The following SYCP1 variants were observed in gnomAD, a reference collection of about 807,000 sequenced individuals.
The protein encoded by SYCP1 is cancer/testis antigen 8.
A neutral mutation model predicts 153.1 loss-of-function variants in SYCP1; 64 were observed. The ratio of observed to expected loss-of-function variants is 0.42; its 90% confidence interval spans 0.34 to 0.51. The LOEUF (loss-of-function observed/expected upper bound fraction) is 0.51. SYCP1 is among the 20% of genes least tolerant of loss of function. The pLI, the probability that SYCP1 is intolerant of heterozygous loss-of-function variation, is 0.06. For synonymous variants in SYCP1, 384 were observed against 341.8 expected (o/e 1.12, Z -1.36); for missense variants, 997 against 1,049.0 (o/e 0.95, Z 0.68).
At chr1:114,928,771 A>C (rs1025680288) in intron 23 of SYCP1, among the ~76,000 whole-genome samples, 1 of 152,160 alleles carries the variant, frequency 6.6e-6, no homozygotes, top group South Asian at 2.1e-4. Context: ...TTAACACTTA[A>C]ATAGAGTTTG....
At position 114,917,914 on chromosome 1, in the gene SYCP1, AT is replaced by A. The variant is rs953809457; in HGVS notation, c.1718+3875del. Among the ~76,000 whole-genome samples the A allele has an allele frequency of 2.0e-5, 3 of 148,578 alleles. No homozygotes were observed. The East Asian group carries it at 5.9e-4, about 29-fold the overall frequency. ...CTTGTCAGATGGATAGTTTACAAAT[AT>A]TTTTTCCCATGCTGTGGGTTGTGTC... On this transcript the variant is annotated intron_variant, in intron 20 of 31. Transcript: ENST00000369522.
At chr1:114,868,044 G>A (rs1346913808) in intron 8 of SYCP1, among the ~76,000 whole-genome samples, 1 of 151,588 alleles carries the variant, frequency 6.6e-6, no homozygotes, top group Admixed American at 6.6e-5. Flanking sequence ...TTATGTGATG[G>A]ATTACAATAA....
intron 12 of SYCP1, among the ~76,000 whole-genome samples, chr1:114,878,865 A>G (rs947283720): frequency 3.3e-5 from 5 of 152,182 alleles, no homozygotes; most frequent in African/African-American, 1.2e-4. Context: ...TGAATGAACA[A>G]ATCATATGGG....
At chr1:114,964,391 G>A (rs1343942667) in intron 27 of SYCP1, among the ~76,000 whole-genome samples, 2 of 152,040 alleles carry the variant, frequency 1.3e-5, no homozygotes, top group African/African-American at 2.4e-5. Flanking sequence ...GATCCCATTT[G>A]TCTATTTTGG....
intron 20 of SYCP1, among the ~76,000 whole-genome samples, chr1:114,917,760 T>G (rs1366300631): frequency 6.6e-6 from 1 of 152,190 alleles, no homozygotes; most frequent in Non-Finnish European, 1.5e-5. Context: ...TTCATATACC[T>G]GTTTGCCATT....
At chr1:114,949,119 G>A (rs549095112) in intron 27 of SYCP1, among the ~76,000 whole-genome samples, 6 of 152,288 alleles carry the variant, frequency 3.9e-5, no homozygotes, top group Admixed American at 1.3e-4. Flanking sequence ...TTTAGAAGCT[G>A]AGGCAGAAAA....
rs1456495120 is a variant in SYCP1, at chr1:114,885,594, C to G, written c.970C>G (p.Leu324Val). ...IEKQHHLTKE[L>V]EDIKVSLQRS... ...GAAACAGCATCATTTGACTAAAGAACTAGAAGATATTAAAGTGTCATTACA... is the reference window on the plus strand; with the variant it reads ...GAAACAGCATCATTTGACTAAAGAAGTAGAAGATATTAAAGTGTCATTACA... The change falls in exon 13 of 32, where the codon CTA becomes GTA. Residue 324 changes from leucine to valine, a missense_variant. Coordinates refer to ENST00000369522, the MANE Select transcript of SYCP1 (RefSeq NM_003176.4). 1 of 1,581,932 alleles carries G rather than the reference C, an allele frequency of 6.3e-7. No homozygotes were observed. Among genetic ancestry groups the G allele is most frequent in the East Asian group, 2.3e-5 (1 of 43,530 alleles).
intron 3 of SYCP1, among the ~76,000 whole-genome samples, chr1:114,856,981 G>A (rs1388150519): frequency 1.4e-5 from 2 of 144,716 alleles, no homozygotes; most frequent in Non-Finnish European, 3.0e-5. Flanking sequence ...AAAACTAGCT[G>A]GACATGGTGG....
intron 18 of SYCP1, among the ~76,000 whole-genome samples, chr1:114,911,935 T>A (rs1182810447): frequency 6.6e-6 from 1 of 152,062 alleles, no homozygotes; most frequent in Non-Finnish European, 1.5e-5. Flanking sequence ...AAATAAAAAA[T>A]TATTTCTTAC....
chr1:114,951,386 C>T (rs990567874), intron 27 of SYCP1, among the ~76,000 whole-genome samples: 1 of 151,902 alleles, frequency 6.6e-6, no homozygotes, highest in Non-Finnish European at 1.5e-5. Flanking sequence ...CTAAAATATA[C>T]ATATTATATT....
At chr1:114,857,109 C>CAATAG (rs1474690905) in intron 3 of SYCP1, 123 bp from the exon 4 acceptor site, 4 of 684,808 alleles carry the variant, frequency 5.8e-6, no homozygotes, top group Non-Finnish European at 8.3e-6. Flanking sequence ...CTAGTCTAGG[C>CAATAG]AATAGTGCCA....
At position 114,977,663 on chromosome 1, in the gene SYCP1, T is replaced by C. The variant is rs773839795; in HGVS notation, c.2382+47T>C. 4.2e-6 allele frequency: 5 copies of C among 1,180,690 alleles called. 1 individual carries two copies. In the Admixed American group the frequency reaches 1.3e-4, roughly 30 times the overall value. The allele number at this position is 1,180,690 out of a possible 1,614,324, so 73.1% of individuals were successfully genotyped here. A position where few individuals can be genotyped will look rare whatever the true frequency, so the allele number is the denominator to read the frequency against. On this transcript the variant is annotated intron_variant, in intron 28 of 31. Coordinates refer to ENST00000369522, the MANE Select transcript of SYCP1 (RefSeq NM_003176.4). The stretch of plus-strand genomic sequence containing the variant: ...AGTTTTAAAATACCAATTCATTTTC[T>C]AACTTCTACTTAGAAATGATTTTTT...
At chr1:114,864,381 A>G (rs1047078791) in intron 8 of SYCP1, among the ~76,000 whole-genome samples, 3 of 152,046 alleles carry the variant, frequency 2.0e-5, no homozygotes, top group African/African-American at 7.2e-5. Context: ...AGCCTGTTCA[A>G]TCTTTTCAGG....
chr1:114,872,911 T>C (rs1213349658), intron 8 of SYCP1, among the ~76,000 whole-genome samples: 1 of 152,210 alleles, frequency 6.6e-6, no homozygotes, highest in African/African-American at 2.4e-5. Flanking sequence ...TGCCTGAGCC[T>C]TCTGAGTGGC....
chr1:114,919,511 C>A lies in SYCP1; in HGVS notation c.1719-3938C>A, dbSNP rs1195312497. ...GGCTTTGGTATCAGGGTAATACTTG[C>A]CTCACAGAATGAGTTTAGCTATATT... On this transcript the variant is annotated intron_variant, in intron 20 of 31. Transcript: ENST00000369522. Among the ~76,000 whole-genome samples, 6 of 151,904 alleles carry A rather than the reference C, an allele frequency of 3.9e-5. No homozygotes were observed. In the East Asian group the frequency reaches 9.7e-4, roughly 24 times the overall value.
chr1:114,898,742 G>A (rs995524211), intron 16 of SYCP1, among the ~76,000 whole-genome samples: 1 of 152,068 alleles, frequency 6.6e-6, no homozygotes, highest in African/African-American at 2.4e-5. Flanking sequence ...CTGATTTTTT[G>A]CATAAAGTAC....
intron 8 of SYCP1, chr1:114,862,883 T>G (rs932434629): frequency 1.3e-5 from 2 of 152,204 alleles, no homozygotes; most frequent in African/African-American, 4.8e-5. Context: ...TTTTTCTTTC[T>G]TTTATTCATT....
At chr1:114,883,748 A>G (rs1666107033) in intron 12 of SYCP1, among the ~76,000 whole-genome samples, 1 of 152,222 alleles carries the variant, frequency 6.6e-6, no homozygotes, top group Admixed American at 6.5e-5. Flanking sequence ...GCTGGAGTGC[A>G]GTGGTGCAAT....
intron 20 of SYCP1, among the ~76,000 whole-genome samples, chr1:114,921,187 T>C (rs1380535659): frequency 6.6e-6 from 1 of 152,144 alleles, no homozygotes; most frequent in African/African-American, 2.4e-5. Flanking sequence ...GCAAATAATA[T>C]CTTATAACCC....
Sources: gnomAD v4.1 joint callset for allele counts (sites outside exome capture counted in the v4.1 genomes callset) on GRCh38, gnomAD v4.1.1 for gene constraint, MANE v1.5 for transcripts, NCBI Gene and HGNC (gene_info 2026-07-23, HGNC 2026-07-21) for gene names.